The following GPR158 variants were observed in gnomAD, a reference collection of about 807,000 sequenced individuals.
GPR158 encodes metabotropic glycine receptor.
Under a neutral mutation model 78.2 loss-of-function variants are expected in GPR158, and 30 were observed. The ratio of observed to expected loss-of-function variants is 0.38; its 90% confidence interval spans 0.29 to 0.52. GPR158 has a LOEUF of 0.52. Among genes scored for constraint, GPR158 ranks in the 20% least tolerant of loss-of-function variants. The pLI is 0.83. For synonymous variants in GPR158, 581 were observed against 591.1 expected, an observed-to-expected ratio of 0.98 and a Z score of 0.25; for missense variants, 1,463 against 1,523.5, an observed-to-expected ratio of 0.96 and a Z score of 0.66.
intron 5 of GPR158, among the ~76,000 whole-genome samples, chr10:25,521,008 A>G (rs1836262100): frequency 6.6e-6 from 1 of 152,030 alleles, no homozygotes; most frequent in African/African-American, 2.4e-5. Flanking sequence ...TGTGCTAGCA[A>G]TCAGCGAGAC....
At chr10:25,443,477 C>G (rs1238304796) in intron 4 of GPR158, among the ~76,000 whole-genome samples, 1 of 150,768 alleles carries the variant, frequency 6.6e-6, no homozygotes, top group Non-Finnish European at 1.5e-5. Context: ...ATATCTTGAA[C>G]CTGGGAGGCA....
chr10:25,359,901 C>G, intron 2 of GPR158, among the ~76,000 whole-genome samples: 1 of 152,166 alleles, frequency 6.6e-6, no homozygotes, highest in East Asian at 1.9e-4. Flanking sequence ...ATTCCTATTT[C>G]TCCACATCCT....
chr10:25,351,335 T>C (rs1346674743), intron 2 of GPR158, among the ~76,000 whole-genome samples: 1 of 151,430 alleles, frequency 6.6e-6, no homozygotes, highest in Non-Finnish European at 1.5e-5. Flanking sequence ...CCAGGCTGTG[T>C]GACAGCTTCA....
chr10:25,538,418 G>C (rs1268905636), intron 5 of GPR158, among the ~76,000 whole-genome samples: 1 of 152,118 alleles, frequency 6.6e-6, no homozygotes, highest in Non-Finnish European at 1.5e-5. Flanking sequence ...ATAAACAGGG[G>C]ACAAGTGTGC....
intron 2 of GPR158, among the ~76,000 whole-genome samples, chr10:25,253,773 G>A (rs939900369): frequency 6.6e-6 from 1 of 152,060 alleles, no homozygotes; most frequent in Non-Finnish European, 1.5e-5. Flanking sequence ...ACTTGTTGAT[G>A]GGATAATTCT....
chr10:25,341,061 T>C (rs1380060804), intron 2 of GPR158, among the ~76,000 whole-genome samples: 2 of 152,002 alleles, frequency 1.3e-5, no homozygotes, highest in African/African-American at 4.8e-5. Flanking sequence ...AATGACATCT[T>C]CAAAATGCCA....
intron 2 of GPR158, among the ~76,000 whole-genome samples, chr10:25,324,338 A>G (rs1854997312): frequency 6.6e-6 from 1 of 152,174 alleles, no homozygotes; most frequent in African/African-American, 2.4e-5. Context: ...AGGCTTATTA[A>G]TTGGCCTGAT....
At chr10:25,484,751 T>C (rs1013426608) in intron 5 of GPR158, among the ~76,000 whole-genome samples, 2 of 152,190 alleles carry the variant, frequency 1.3e-5, no homozygotes, top group Non-Finnish European at 2.9e-5. Flanking sequence ...TGGCAGGGGC[T>C]CTTTCTGTCT....
Position 25,600,619 on chromosome 10 carries a change from A to G in GPR158, c.*1345A>G, listed in dbSNP as rs2130759783. 6.5e-6 allele frequency: 1 copy of G among 152,742 alleles called. No individual in the cohort carries two copies. The highest frequency in any genetic ancestry group is 2.1e-4 in the South Asian group (1 of 4,824). The allele number at this position is 152,742 out of a possible 1,614,324, so 9.5% of individuals were successfully genotyped here. A position where few individuals can be genotyped will look rare whatever the true frequency, so the allele number is the denominator to read the frequency against. ...CTTATTCATTGCTTCAGCTACAGGT[A>G]GAACTTGCTGGGCTCAAATCCCAAA... On this transcript the variant is annotated 3_prime_UTR_variant, in exon 11 of 11. Coordinates refer to ENST00000376351, the MANE Select transcript of GPR158 (RefSeq NM_020752.3).
chr10:25,179,537 A>C (rs1030354564), intron 1 of GPR158, among the ~76,000 whole-genome samples: 3 of 152,192 alleles, frequency 2.0e-5, no homozygotes, highest in African/African-American at 7.2e-5. Flanking sequence ...AGAACTTCTT[A>C]TAAGAAGTTC....
intron 5 of GPR158, among the ~76,000 whole-genome samples, chr10:25,533,591 T>A (rs896143840): frequency 6.6e-6 from 1 of 152,240 alleles, no homozygotes; most frequent in Non-Finnish European, 1.5e-5. Flanking sequence ...TACCATTTGT[T>A]AACTTCATTC....
intron 3 of GPR158, among the ~76,000 whole-genome samples, chr10:25,397,926 TC>T (rs1422837341): frequency 6.6e-6 from 1 of 152,208 alleles, no homozygotes; most frequent in East Asian, 1.9e-4. Context: ...GAGAGAATCT[TC>T]TACTGGCTTT....
intron 2 of GPR158, among the ~76,000 whole-genome samples, chr10:25,339,785 T>C (rs1855277138): frequency 6.6e-6 from 1 of 152,094 alleles, no homozygotes; most frequent in African/African-American, 2.4e-5. Context: ...TTCTAGTATA[T>C]TCTGTTAATG....
At chr10:25,185,229 CAT>C (rs1280960705) in intron 1 of GPR158, among the ~76,000 whole-genome samples, 1 of 152,118 alleles carries the variant, frequency 6.6e-6, no homozygotes, top group African/African-American at 2.4e-5. Context: ...TATGTGTACA[CAT>C]ATGTGTGTAC....
At chr10:25,473,900 A>G (rs1835545444) in intron 5 of GPR158, among the ~76,000 whole-genome samples, 2 of 152,142 alleles carry the variant, frequency 1.3e-5, no homozygotes, top group South Asian at 4.1e-4. Flanking sequence ...AATGTCCACA[A>G]TCCTAATCTC....
intron 2 of GPR158, among the ~76,000 whole-genome samples, chr10:25,333,054 T>C (rs1467907168): frequency 6.6e-6 from 1 of 152,164 alleles, no homozygotes; most frequent in Non-Finnish European, 1.5e-5. Flanking sequence ...AATTTCACTT[T>C]CTTGGGATTC....
intron 4 of GPR158, among the ~76,000 whole-genome samples, chr10:25,464,225 T>C (rs1835394021): frequency 6.6e-6 from 1 of 152,176 alleles, no homozygotes; most frequent in Non-Finnish European, 1.5e-5. Context: ...GTACTCCTGC[T>C]ACTGTTATGT....
At chr10:25,255,393 A>G (rs141313296) in intron 2 of GPR158, among the ~76,000 whole-genome samples, 3 of 152,282 alleles carry the variant, frequency 2.0e-5, no homozygotes, top group Admixed American at 2.0e-4. Flanking sequence ...AACAACAAAC[A>G]TTTATTATAT....
At chr10:25,361,901 G>A (rs1855647025) in intron 2 of GPR158, among the ~76,000 whole-genome samples, 1 of 151,624 alleles carries the variant, frequency 6.6e-6, no homozygotes, top group African/African-American at 2.4e-5. Flanking sequence ...TATATGATTT[G>A]CAAATATTTT....
Sources: gnomAD v4.1 joint callset for allele counts (sites outside exome capture counted in the v4.1 genomes callset) on GRCh38, gnomAD v4.1.1 for gene constraint, MANE v1.5 for transcripts, NCBI Gene and HGNC (gene_info 2026-07-23, HGNC 2026-07-21) for gene names.